The following CDC42SE2 variants were observed in gnomAD, a reference collection of about 807,000 sequenced individuals.
The protein encoded by CDC42SE2 is CDC42 small effector protein 2.
CDC42SE2 carries 3 observed loss-of-function variants against 11.5 expected under a neutral mutation model. That is an observed-to-expected ratio of 0.26 (90% CI 0.12 to 0.67). CDC42SE2 has a LOEUF of 0.67. Among genes scored for constraint, CDC42SE2 ranks in the 30% least tolerant of loss-of-function variants. CDC42SE2 has a pLI of 0.80. For synonymous variants in CDC42SE2, 33 were observed against 34.8 expected, an observed-to-expected ratio of 0.95 and a Z score of 0.18; for missense variants, 82 against 106.8, an observed-to-expected ratio of 0.77 and a Z score of 1.02.
intron 1 of CDC42SE2, among the ~76,000 whole-genome samples, chr5:131,289,481 G>T (rs1437376010): frequency 6.6e-6 from 1 of 152,102 alleles, no homozygotes; most frequent in Non-Finnish European, 1.5e-5. Context: ...GACCATCCTG[G>T]CGAACATGGT....
chr5:131,293,873 G>A (rs983454027), intron 1 of CDC42SE2, among the ~76,000 whole-genome samples: 4 of 152,212 alleles, frequency 2.6e-5, no homozygotes, highest in South Asian at 2.1e-4. Flanking sequence ...CAGACTGATC[G>A]CTCTGCCATA....
At chr5:131,285,629 ACT>A (rs1757323917) in intron 1 of CDC42SE2, among the ~76,000 whole-genome samples, 1 of 152,154 alleles carries the variant, frequency 6.6e-6, no homozygotes, top group Non-Finnish European at 1.5e-5. Flanking sequence ...CAAGAAACAA[ACT>A]CTATTCTAGG....
At chr5:131,309,775 G>A (rs1332913908) in intron 1 of CDC42SE2, among the ~76,000 whole-genome samples, 1 of 151,808 alleles carries the variant, frequency 6.6e-6, no homozygotes, top group Admixed American at 6.6e-5. Context: ...TTGTATTTCT[G>A]TGGGATCGGT....
At chr5:131,257,472 T>C (rs943002924) in intron 2 of CDC42SE2, among the ~76,000 whole-genome samples, 1 of 148,922 alleles carries the variant, frequency 6.7e-6, no homozygotes, top group African/African-American at 2.6e-5. Context: ...TCTGTTCCAC[T>C]TGCTAATTTT....
At chr5:131,275,298 CTTT>C (rs200692326) in intron 1 of CDC42SE2, among the ~76,000 whole-genome samples, 3 of 138,344 alleles carry the variant, frequency 2.2e-5, no homozygotes, top group African/African-American at 5.3e-5. Context: ...ATATTGTAAT[CTTT>C]TTTTTTTTTT....
At chr5:131,351,319 A>G (rs1201401067) in intron 2 of CDC42SE2, among the ~76,000 whole-genome samples, 2 of 151,302 alleles carry the variant, frequency 1.3e-5, no homozygotes, top group Non-Finnish European at 2.9e-5. Context: ...CAGTGGCATG[A>G]TCTTGGCTCA....
intron 3 of CDC42SE2, among the ~76,000 whole-genome samples, chr5:131,368,381 T>C (rs190250378): frequency 1.3e-5 from 2 of 152,072 alleles, no homozygotes; most frequent in Admixed American, 1.3e-4. Context: ...CTGGTGCCAA[T>C]ACACGATGAT....
chr5:131,326,423 G>C (rs1580755462), intron 2 of CDC42SE2, among the ~76,000 whole-genome samples: 1 of 152,078 alleles, frequency 6.6e-6, no homozygotes, highest in African/African-American at 2.4e-5. Flanking sequence ...CAATGTGTAT[G>C]GTTATTGATC....
chr5:131,271,583 G>T (rs969951983), intron 1 of CDC42SE2, among the ~76,000 whole-genome samples: 1 of 152,074 alleles, frequency 6.6e-6, no homozygotes, highest in African/African-American at 2.4e-5. Flanking sequence ...GCCAGGGTGG[G>T]GCAGGGTTCC....
At chr5:131,230,882 C>A in the CDC42SE2 span, among the ~76,000 whole-genome samples, 33 of 152,136 alleles carry the variant, frequency 2.2e-4, no homozygotes, top group Admixed American at 2.6e-4. Flanking sequence ...AATTATATTA[C>A]AGATTTTCTC....
intron 1 of CDC42SE2, among the ~76,000 whole-genome samples, chr5:131,306,208 C>CT: frequency 6.6e-6 from 1 of 152,154 alleles, no homozygotes; most frequent in East Asian, 1.9e-4. Flanking sequence ...CATATCCATG[C>CT]TGTATATGCT....
chr5:131,249,211 T>C (rs1353032148), intron 1 of CDC42SE2, among the ~76,000 whole-genome samples: 3 of 151,766 alleles, frequency 2.0e-5, no homozygotes, highest in Non-Finnish European at 2.9e-5. Context: ...AGAGATTGGG[T>C]TTCACCATGT....
At chr5:131,346,904 G>C (rs558067510) in intron 2 of CDC42SE2, among the ~76,000 whole-genome samples, 20 of 152,208 alleles carry the variant, frequency 1.3e-4, no homozygotes, top group Non-Finnish European at 1.9e-4. Flanking sequence ...TGAATGACTA[G>C]TGGGTAAATA....
chr5:131,228,457 C>T, the CDC42SE2 span, among the ~76,000 whole-genome samples: 1 of 152,158 alleles, frequency 6.6e-6, no homozygotes, highest in Non-Finnish European at 1.5e-5. Context: ...CCATGAAGTC[C>T]ATTGGAATTC....
the CDC42SE2 span, among the ~76,000 whole-genome samples, chr5:131,239,918 G>T: frequency 3.3e-5 from 5 of 152,154 alleles, no homozygotes; most frequent in African/African-American, 1.2e-4. Context: ...TCCTTCATTA[G>T]ATCATTGCTT....
At chr5:131,301,791 C>T (rs1757688500) in intron 1 of CDC42SE2, among the ~76,000 whole-genome samples, 1 of 151,554 alleles carries the variant, frequency 6.6e-6, no homozygotes, top group African/African-American at 2.4e-5. Context: ...GTTAAAAGTC[C>T]TCTGACTAAA....
intron 2 of CDC42SE2, among the ~76,000 whole-genome samples, chr5:131,344,359 G>T (rs567308258): frequency 6.6e-6 from 1 of 152,160 alleles, no homozygotes; most frequent in South Asian, 2.1e-4. Flanking sequence ...TATATCCTGC[G>T]CCTGACTAAG....
intron 3 of CDC42SE2, among the ~76,000 whole-genome samples, chr5:131,373,598 G>A (rs1293600830): frequency 1.3e-5 from 2 of 152,162 alleles, no homozygotes; most frequent in African/African-American, 2.4e-5. Flanking sequence ...AACATGACCC[G>A]TGCACACTAA....
chr5:131,225,549 G>T, the CDC42SE2 span, among the ~76,000 whole-genome samples: 1 of 152,180 alleles, frequency 6.6e-6, no homozygotes, highest in South Asian at 2.1e-4. Context: ...GAAGAAGTGG[G>T]ACTTTGGAAA....
Sources: gnomAD v4.1 joint callset for allele counts (sites outside exome capture counted in the v4.1 genomes callset) on GRCh38, gnomAD v4.1.1 for gene constraint, MANE v1.5 for transcripts, NCBI Gene and HGNC (gene_info 2026-07-23, HGNC 2026-07-21) for gene names.